ANO1: variants seen among roughly 807,000 people sequenced by gnomAD.
ANO1 encodes the protein anoctamin-1.
Under a neutral mutation model 124.0 loss-of-function variants are expected in ANO1, and 59 were observed. The observed-to-expected ratio is 0.48, with a 90% confidence interval of 0.39 to 0.59. The LOEUF is 0.59. Ranked by LOEUF, ANO1 falls within the 20% of genes least tolerant of loss-of-function variation. The probability of loss-of-function intolerance (pLI) is 0.00; values close to 1 mark genes in which losing one functional copy is unlikely to be tolerated. For missense variants in ANO1, 1,059 were observed against 1,328.0 expected (o/e 0.80, Z 3.15); for synonymous variants, 529 against 532.0 (o/e 0.99, Z 0.08).
At chr11:69,980,106 T>C in the ANO1 span, among the ~76,000 whole-genome samples, 1 of 152,112 alleles carries the variant, frequency 6.6e-6, no homozygotes, top group African/African-American at 2.4e-5. Context: ...GGGAGGAAAT[T>C]TTGTCACAGG....
In ANO1 at chr11:70,031,281, A is replaced by G. The variant is rs116961151; in HGVS notation, c.58+45115A>G. ...TTTTCATATATGTATACAACATGGT[A>G]TCATCAAATCAAGCTAATTAGCATA... On this transcript the variant is annotated intron_variant, in intron 1 of 27. Coordinates refer to the ANO1 transcript ENST00000531349. 1.6e-4 allele frequency among the ~76,000 whole-genome samples: 24 copies of G among 152,320 alleles called. 1 individual carries two copies. The East Asian group carries it at 3.5e-3, about 22-fold the overall frequency.
chr11:70,015,709 G>C (rs923996567), intron 1 of ANO1: 2 of 152,218 alleles, frequency 1.3e-5, no homozygotes, highest in Non-Finnish European at 2.9e-5. Flanking sequence ...TCACCTCCTC[G>C]GCTCCTGGCT....
chr11:70,122,136 A>C (rs1183169303), intron 8 of ANO1, among the ~76,000 whole-genome samples: 2 of 74,426 alleles, frequency 2.7e-5, no homozygotes, highest in Non-Finnish European at 5.1e-5. Flanking sequence ...CTGTCTCTCC[A>C]TCTGCCTCTG....
At chr11:70,002,987 T>G (rs1361398512) in intron 1 of ANO1, among the ~76,000 whole-genome samples, 2 of 151,906 alleles carry the variant, frequency 1.3e-5, no homozygotes, top group African/African-American at 4.8e-5. Flanking sequence ...AGCACAATAC[T>G]AAACCCAAAA....
chr11:70,125,090 C>T (rs1343319913), intron 9 of ANO1, among the ~76,000 whole-genome samples: 2 of 152,168 alleles, frequency 1.3e-5, no homozygotes, highest in South Asian at 2.1e-4. Flanking sequence ...CGCCTGTAAT[C>T]GCAGCACTTT....
intron 5 of ANO1, among the ~76,000 whole-genome samples, chr11:70,106,154 G>T (rs1369414966): frequency 6.6e-6 from 1 of 152,158 alleles, no homozygotes; most frequent in Admixed American, 6.6e-5. Context: ...GGGGCTTTCA[G>T]GGCAGGCAGG....
At chr11:70,150,947 GC>G (rs2047579583) in intron 12 of ANO1, among the ~76,000 whole-genome samples, 1 of 152,068 alleles carries the variant, frequency 6.6e-6, no homozygotes, top group Non-Finnish European at 1.5e-5. Context: ...AGCCAAATGT[GC>G]CAGCTTTGGG....
chr11:70,111,354 G>A (rs573846617), intron 6 of ANO1, among the ~76,000 whole-genome samples: 8 of 152,290 alleles, frequency 5.3e-5, no homozygotes, highest in South Asian at 4.1e-4. Context: ...GCTTGCCCTC[G>A]GACAGGTGGG....
chr11:70,163,494 T>C (rs1202280590), intron 19 of ANO1, 154 bp downstream of exon 19: 2 of 855,260 alleles, frequency 2.3e-6, no homozygotes, highest in East Asian at 5.3e-5. Flanking sequence ...GTTCCCCTGA[T>C]GTGGTGGGGT....
intron 11 of ANO1, 119 bp downstream of exon 11, chr11:70,132,198 AG>A: frequency 3.1e-6 from 4 of 1,310,302 alleles, no homozygotes; most frequent in Non-Finnish European, 4.1e-6. Flanking sequence ...GAAAAAACAT[AG>A]GGGAAGGGGG....
At chr11:70,135,366 C>A (rs992091509) in intron 11 of ANO1, among the ~76,000 whole-genome samples, 1 of 152,206 alleles carries the variant, frequency 6.6e-6, no homozygotes, top group Non-Finnish European at 1.5e-5. Flanking sequence ...GAGACGCTGG[C>A]GGGCTTGGCC....
intron 22 of ANO1, among the ~76,000 whole-genome samples, chr11:70,171,907 G>T (rs1484318629): frequency 6.6e-6 from 1 of 152,158 alleles, no homozygotes; most frequent in Admixed American, 6.5e-5. Context: ...GGTTGTGGCT[G>T]CAGTGAGCCA....
chr11:70,138,346 A>AG (rs1430406033), intron 11 of ANO1, among the ~76,000 whole-genome samples: 1 of 135,168 alleles, frequency 7.4e-6, no homozygotes, highest in African/African-American at 2.8e-5. Context: ...ATTCCATCTC[A>AG]GAAAAAAAAA....
chr11:70,114,265 C>CT (rs2045895626), intron 7 of ANO1, among the ~76,000 whole-genome samples: 1 of 152,242 alleles, frequency 6.6e-6, no homozygotes, highest in Non-Finnish European at 1.5e-5. Flanking sequence ...AAGCCCTAGG[C>CT]TGTGGGTGGC....
chr11:70,113,435 G>C (rs2045865478), intron 7 of ANO1, among the ~76,000 whole-genome samples: 2 of 152,074 alleles, frequency 1.3e-5, no homozygotes, highest in Non-Finnish European at 2.9e-5. Context: ...AGTGGCTCCG[G>C]GTTCCTGCCC....
At chr11:70,108,502 G>T in intron 6 of ANO1, 98 bp downstream of exon 6, 1 of 1,335,616 alleles carries the variant, frequency 7.5e-7, no homozygotes, top group South Asian at 1.2e-5. Context: ...GGCTTGGGGT[G>T]TTTAAGAGGG....
At chr11:70,056,685 T>C (rs182237991) in intron 1 of ANO1, 25 of 152,258 alleles carry the variant, frequency 1.6e-4, no homozygotes, top group Non-Finnish European at 3.4e-4. Context: ...CTCTCATCAG[T>C]TTTGGAAAAT....
At chr11:70,150,134 C>T (rs1453716255) in intron 12 of ANO1, among the ~76,000 whole-genome samples, 2 of 152,142 alleles carry the variant, frequency 1.3e-5, no homozygotes, top group African/African-American at 4.8e-5. Context: ...CGGCACCACC[C>T]GTGGGGGTGG....
chr11:70,074,894 C>T (rs188954378), upstream of ANO1: 3 of 152,430 alleles, frequency 2.0e-5, no homozygotes, highest in African/African-American at 7.2e-5. Flanking sequence ...CGCTAGAGCT[C>T]CTTTATTAGA....
Sources: allele counts gnomAD v4.1 joint callset (sites outside exome capture counted in the v4.1 genomes callset), GRCh38; gene constraint gnomAD v4.1.1; transcripts MANE v1.5; gene names NCBI Gene and HGNC (gene_info 2026-07-23, HGNC 2026-07-21).